Variants in CREB5 observed in about 807,000 individuals in gnomAD.
The protein encoded by CREB5 is cyclic AMP-responsive element-binding protein 5.
In CREB5, 19 loss-of-function variants were observed where a neutral mutation model predicts 57.1. The ratio of observed to expected loss-of-function variants is 0.33; its 90% CI spans 0.23 to 0.49. The LOEUF (loss-of-function observed/expected upper bound fraction) is 0.49, where lower values mean the gene tolerates loss of function less well. Among genes scored for constraint, CREB5 ranks in the 20% least tolerant of loss-of-function variants. The pLI is 0.99. For missense variants in CREB5, 579 were observed against 671.6 expected (o/e 0.86, Z 1.52); for synonymous variants, 238 against 238.3 (o/e 1.00, Z 0.01).
chr7:28,803,988 T>C (rs553213520), intron 7 of CREB5, among the ~76,000 whole-genome samples: 39 of 152,230 alleles, frequency 2.6e-4, no homozygotes, highest in South Asian at 1.7e-3. Context: ...TTGGCTGACA[T>C]TGACCCTCCT....
chr7:28,496,057 C>T (rs1015614004), intron 3 of CREB5, among the ~76,000 whole-genome samples: 4 of 151,988 alleles, frequency 2.6e-5, no homozygotes, highest in African/African-American at 7.3e-5. Flanking sequence ...ACTTATTGAA[C>T]CTTTTTGGGC....
At chr7:28,568,839 C>T (rs746509499) in intron 4 of CREB5, among the ~76,000 whole-genome samples, 1 of 152,210 alleles carries the variant, frequency 6.6e-6, no homozygotes, top group Non-Finnish European at 1.5e-5. Flanking sequence ...TATATGTTAT[C>T]ACCATCGTTT....
intron 5 of CREB5, 101 bp from the exon 6 acceptor site, chr7:28,718,652 C>A: frequency 1.3e-6 from 2 of 1,498,244 alleles, no homozygotes; most frequent in Non-Finnish European, 1.8e-6. Flanking sequence ...TGGATCTGAT[C>A]TGCTGCACAT....
intron 1 of CREB5, among the ~76,000 whole-genome samples, chr7:28,418,548 A>C (rs979932629): frequency 6.6e-6 from 1 of 152,170 alleles, no homozygotes; most frequent in Non-Finnish European, 1.5e-5. Flanking sequence ...CTGCAGAGCC[A>C]TCTATGTCCA....
intron 5 of CREB5, among the ~76,000 whole-genome samples, chr7:28,647,966 A>G (rs7806194): frequency 0.038 from 5,791 of 152,232 alleles, 385 homozygotes; most frequent in African/African-American, 0.13. Context: ...TTTAAGCTCA[A>G]TTTGAATTTG....
At chr7:28,575,856 AG>A (rs887285617) in intron 5 of CREB5, among the ~76,000 whole-genome samples, 2 of 152,148 alleles carry the variant, frequency 1.3e-5, no homozygotes, top group African/African-American at 4.8e-5. Flanking sequence ...CAGAGCCTTG[AG>A]AAATTACCTC....
chr7:28,300,906 A>ATTCTCGGGG (rs1785088442), intron 1 of CREB5, among the ~76,000 whole-genome samples: 1 of 152,172 alleles, frequency 6.6e-6, no homozygotes, highest in Non-Finnish European at 1.5e-5. Context: ...ATAAATGCAG[A>ATTCTCGGGG]TTCTCAGGCC....
At chr7:28,533,513 A>G (rs766125316) in intron 4 of CREB5, among the ~76,000 whole-genome samples, 2 of 152,216 alleles carry the variant, frequency 1.3e-5, no homozygotes, top group African/African-American at 2.4e-5. Flanking sequence ...TACTGTCAGT[A>G]AGTCATTTCA....
chr7:28,564,458 G>T (rs1048957404), intron 4 of CREB5, among the ~76,000 whole-genome samples: 1 of 152,094 alleles, frequency 6.6e-6, no homozygotes, highest in Non-Finnish European at 1.5e-5. Context: ...GCATCAGATT[G>T]TTTTTTTGCA....
chr7:28,523,992 T>A (rs1793317603), intron 4 of CREB5, among the ~76,000 whole-genome samples: 1 of 152,168 alleles, frequency 6.6e-6, no homozygotes, highest in Non-Finnish European at 1.5e-5. Flanking sequence ...TCAGCACCAT[T>A]GCCTTACACG....
chr7:28,393,748 T>C (rs771248443), intron 1 of CREB5, among the ~76,000 whole-genome samples: 3 of 152,204 alleles, frequency 2.0e-5, no homozygotes, highest in South Asian at 2.1e-4. Context: ...TGTTACAAGA[T>C]ACCTGCATTA....
In CREB5 at chr7:28,560,893, T is replaced by TGC. The variant is rs1187390811; in HGVS notation, c.292-9471_292-9470insCG. Among the ~76,000 whole-genome samples, 62 of 20,456 alleles carry TGC rather than the reference T, an allele frequency of 3.0e-3. 2 individuals are homozygous for TGC. Among genetic ancestry groups the TGC allele is most frequent in the African/African-American group, 9.2e-3 (48 of 5,212 alleles). 13.4% of individuals were successfully genotyped at this position (20,456 alleles called of 152,430 possible). A position where few individuals can be genotyped will look rare whatever the true frequency, so the allele number is the denominator to read the frequency against. The stretch of plus-strand genomic sequence containing the variant: ...GCGTGCGCGTGCGTGCGTGCGTGTG[T>TGC]GTGCGTGCGCGCGTGCGTGTGCGTG... On this transcript the variant is annotated intron_variant, in intron 4 of 10. Coordinates refer to ENST00000357727, the MANE Select transcript of CREB5 (RefSeq NM_182898.4).
At chr7:28,689,506 T>G (rs1425357020) in intron 5 of CREB5, among the ~76,000 whole-genome samples, 1 of 152,196 alleles carries the variant, frequency 6.6e-6, no homozygotes, top group Non-Finnish European at 1.5e-5. Flanking sequence ...TCCCATGTAT[T>G]CTTTGCCCAG....
intron 1 of CREB5, among the ~76,000 whole-genome samples, chr7:28,462,429 G>A (rs908014671): frequency 1.3e-5 from 2 of 152,050 alleles, no homozygotes; most frequent in African/African-American, 4.8e-5. Flanking sequence ...TTTCTTTTGG[G>A]TATACACCCA....
intron 9 of CREB5, among the ~76,000 whole-genome samples, chr7:28,816,851 G>A (rs888717481): frequency 3.9e-5 from 6 of 152,144 alleles, no homozygotes; most frequent in Admixed American, 3.9e-4. Flanking sequence ...TATAATGCCT[G>A]GCAGCCACAA....
chr7:28,712,262 C>T (rs1304493069), intron 5 of CREB5, among the ~76,000 whole-genome samples: 3 of 152,074 alleles, frequency 2.0e-5, no homozygotes, highest in Non-Finnish European at 4.4e-5. Flanking sequence ...AATCCCAGCA[C>T]TTTGGGAGGT....
intron 5 of CREB5, among the ~76,000 whole-genome samples, chr7:28,627,848 T>C (rs1313335955): frequency 6.6e-6 from 1 of 152,132 alleles, no homozygotes; most frequent in African/African-American, 2.4e-5. Flanking sequence ...GAGTGTTCAG[T>C]AAATAAAAAT....
chr7:28,581,292 C>T (rs570179660), intron 5 of CREB5, among the ~76,000 whole-genome samples: 10 of 152,208 alleles, frequency 6.6e-5, no homozygotes, highest in East Asian at 5.8e-4. Context: ...TAACTGTGCC[C>T]GAATATTCCT....
At position 28,525,480 on chromosome 7, in the gene CREB5, C is replaced by T. The variant is rs559407605; in HGVS notation, c.291+17743C>T. Among the ~76,000 whole-genome samples, 31 of 152,178 alleles carry T rather than the reference C, an allele frequency of 2.0e-4. No individual in the cohort carries two copies. In the South Asian group the frequency reaches 4.8e-3, roughly 24 times the overall value. On this transcript the variant is annotated intron_variant, in intron 4 of 10. Coordinates refer to ENST00000357727, the MANE Select transcript of CREB5 (RefSeq NM_182898.4). ...GAATTCTCTTTCTTCCACATCCTCA[C>T]CAGCATTTATTATTATTATTATTAT...
Sources: allele counts gnomAD v4.1 joint callset (sites outside exome capture counted in the v4.1 genomes callset), GRCh38; gene constraint gnomAD v4.1.1; transcripts MANE v1.5; gene names NCBI Gene and HGNC (gene_info 2026-07-23, HGNC 2026-07-21).